ANKFN1: variants seen among roughly 807,000 people sequenced by gnomAD.
The protein encoded by ANKFN1 is ankyrin repeat and fibronectin type-III domain-containing protein 1.
Under a neutral mutation model 108.7 loss-of-function variants are expected in ANKFN1, and 74 were observed. The ratio of observed to expected loss-of-function variants is 0.68; its 90% CI spans 0.56 to 0.83. The LOEUF (loss-of-function observed/expected upper bound fraction) is 0.83, where lower values mean the gene tolerates loss of function less well. ANKFN1 is among the 40% of genes least tolerant of loss of function. The probability of loss-of-function intolerance (pLI) is 0.00; values close to 1 mark genes in which losing one functional copy is unlikely to be tolerated. For synonymous variants in ANKFN1, 547 were observed against 516.2 expected, an observed-to-expected ratio of 1.06 and a Z score of -0.81; for missense variants, 1,505 against 1,382.3, an observed-to-expected ratio of 1.09 and a Z score of -1.41.
chr17:56,111,528 A>AG (rs1175173785), intron 4 of ANKFN1, among the ~76,000 whole-genome samples: 1 of 152,112 alleles, frequency 6.6e-6, no homozygotes, highest in Non-Finnish European at 1.5e-5. Context: ...TGGCAAAAAA[A>AG]AAAAAAAAAG....
intron 4 of ANKFN1, among the ~76,000 whole-genome samples, chr17:56,145,509 A>C (rs1908204223): frequency 6.6e-6 from 1 of 152,156 alleles, no homozygotes; most frequent in Non-Finnish European, 1.5e-5. Flanking sequence ...TTGAGTGTCA[A>C]GTGAAGGGAG....
intron 4 of ANKFN1, among the ~76,000 whole-genome samples, chr17:56,058,395 T>C (rs1433947586): frequency 6.6e-6 from 1 of 152,250 alleles, no homozygotes; most frequent in Non-Finnish European, 1.5e-5. Flanking sequence ...CTGCTTCACC[T>C]TGCACTTTTA....
chr17:56,493,603 A>G (rs964975282), intron 19 of ANKFN1, among the ~76,000 whole-genome samples: 8 of 152,170 alleles, frequency 5.3e-5, no homozygotes, highest in African/African-American at 1.9e-4. Context: ...AGAAATCTGT[A>G]CTTTTTTTCT....
chr17:56,180,239 C>G (rs757532920), intron 1 of ANKFN1, among the ~76,000 whole-genome samples: 1 of 152,170 alleles, frequency 6.6e-6, no homozygotes, highest in Non-Finnish European at 1.5e-5. Flanking sequence ...TATTCTGTCT[C>G]TGAGCTACAA....
intron 3 of ANKFN1, among the ~76,000 whole-genome samples, chr17:56,293,351 C>A (rs2044416750): frequency 6.6e-6 from 1 of 152,204 alleles, no homozygotes; most frequent in South Asian, 2.1e-4. Flanking sequence ...ATGCCACCAT[C>A]ACCACCAAGC....
chr17:56,441,760 A>C (rs1210639049), intron 9 of ANKFN1, among the ~76,000 whole-genome samples: 1 of 152,198 alleles, frequency 6.6e-6, no homozygotes. Flanking sequence ...AATCATATAA[A>C]AGCCTAGGAG....
chr17:56,173,288 C>A (rs1284320104), intron 1 of ANKFN1, among the ~76,000 whole-genome samples: 1 of 152,190 alleles, frequency 6.6e-6, no homozygotes, highest in Non-Finnish European at 1.5e-5. Flanking sequence ...TCACCCTTTG[C>A]CTTCTGTTCC....
intron 9 of ANKFN1, among the ~76,000 whole-genome samples, chr17:56,442,543 GT>G (rs2145170282): frequency 6.6e-6 from 1 of 152,232 alleles, no homozygotes; most frequent in South Asian, 2.1e-4. Context: ...TTTATATATA[GT>G]TTCAGGGGGC....
intron 3 of ANKFN1, among the ~76,000 whole-genome samples, chr17:56,257,113 T>G (rs2043377437): frequency 6.6e-6 from 1 of 152,174 alleles, no homozygotes; most frequent in Non-Finnish European, 1.5e-5. Flanking sequence ...TACAGTAGAT[T>G]AGTGAAATGA....
Position 56,470,212 on chromosome 17 carries a change from A to G in ANKFN1, c.1773+3641A>G, listed in dbSNP as rs2050269497. On this transcript the variant is annotated intron_variant, in intron 15 of 20. Transcript: ENST00000682825. ...ATTGATGGGCATTTGAGTTGATTCC[A>G]TGTCTTTGCTATGGGAAATAATGCT... is the stretch of plus-strand genomic sequence containing the variant. 2.0e-5 allele frequency among the ~76,000 whole-genome samples: 3 copies of G among 152,166 alleles called. No individual in the cohort carries two copies. The South Asian group carries it at 6.2e-4, about 32-fold the overall frequency.
In ANKFN1 at chr17:56,244,446, T is replaced by C. The variant is rs145893830; in HGVS notation, c.53+16489T>C. Among the ~76,000 whole-genome samples the C allele has an allele frequency of 6.2e-4, 94 of 152,266 alleles. 1 individual carries two copies. Among genetic ancestry groups the C allele is most frequent in the Admixed American group, 2.2e-3 (34 of 15,268 alleles). On this transcript the variant is annotated intron_variant, in intron 3 of 20. Transcript: ENST00000682825. ...TCCATGACTCAAAGTGATCACATCATGAACTTCTCAATCTTCAACTCTCAG... is the reference window on the plus strand; with the variant it reads ...TCCATGACTCAAAGTGATCACATCACGAACTTCTCAATCTTCAACTCTCAG...
chr17:56,368,101 C>T (rs1347368432), intron 6 of ANKFN1: 16 of 1,106,836 alleles, frequency 1.4e-5, no homozygotes, highest in Admixed American at 2.7e-5. Flanking sequence ...ACTTCTGTAA[C>T]ACCAGATGTT....
At chr17:56,496,765 A>T (rs1463310008) in intron 19 of ANKFN1, among the ~76,000 whole-genome samples, 1 of 152,154 alleles carries the variant, frequency 6.6e-6, no homozygotes, top group Admixed American at 6.6e-5. Context: ...TTTACTTCGT[A>T]TCATATCAAA....
chr17:56,186,511 GCATTCCACGTTGTC>G (rs1415399574), intron 1 of ANKFN1, among the ~76,000 whole-genome samples: 1 of 152,208 alleles, frequency 6.6e-6, no homozygotes, highest in Non-Finnish European at 1.5e-5. Flanking sequence ...TGGTGCCAGA[GCATTCCACGTTGTC>G]CACTGTGACG....
intron 4 of ANKFN1, among the ~76,000 whole-genome samples, chr17:56,108,714 A>G (rs1233502426): frequency 6.6e-6 from 1 of 152,244 alleles, no homozygotes; most frequent in Non-Finnish European, 1.5e-5. Flanking sequence ...GAGTAACAGG[A>G]TATCTCCAAA....
At chr17:56,368,195 C>T in intron 6 of ANKFN1, 1 of 1,299,322 alleles carries the variant, frequency 7.7e-7, no homozygotes, top group Non-Finnish European at 1.0e-6. Flanking sequence ...GATCAGCATA[C>T]ACAAATTACA....
chr17:56,267,525 A>G (rs2043683952), intron 3 of ANKFN1, among the ~76,000 whole-genome samples: 1 of 152,010 alleles, frequency 6.6e-6, no homozygotes, highest in Non-Finnish European at 1.5e-5. Context: ...GGTTAGTTTT[A>G]GGTTTTATAT....
At chr17:56,183,534 G>T (rs549477727) in intron 1 of ANKFN1, among the ~76,000 whole-genome samples, 3 of 152,208 alleles carry the variant, frequency 2.0e-5, no homozygotes, top group African/African-American at 7.2e-5. Context: ...CATGAGATCT[G>T]GTTGGTTAAC....
intron 3 of ANKFN1, chr17:56,258,210 T>A (rs946607787): frequency 9.9e-5 from 15 of 152,236 alleles, no homozygotes; most frequent in Admixed American, 3.9e-4. Context: ...TAAATGGGCT[T>A]CTGATGGCTT....
Sources: gnomAD v4.1 joint callset for allele counts (sites outside exome capture counted in the v4.1 genomes callset) on GRCh38, gnomAD v4.1.1 for gene constraint, MANE v1.5 for transcripts, NCBI Gene and HGNC (gene_info 2026-07-23, HGNC 2026-07-21) for gene names.